PEX3: variants seen among roughly 807,000 people sequenced by gnomAD.
PEX3 encodes the protein peroxin-3.
Under a neutral mutation model 55.8 loss-of-function variants are expected in PEX3, and 30 were observed. The ratio of observed to expected loss-of-function variants is 0.54; its 90% CI spans 0.40 to 0.73. The LOEUF (loss-of-function observed/expected upper bound fraction) is 0.73, where lower values mean the gene tolerates loss of function less well. Ranked by LOEUF, PEX3 falls within the 30% of genes least tolerant of loss-of-function variation. The pLI is 0.00. For synonymous variants in PEX3, 135 were observed against 148.4 expected, an observed-to-expected ratio of 0.91 and a Z score of 0.66; for missense variants, 351 against 432.8, an observed-to-expected ratio of 0.81 and a Z score of 1.68.
In PEX3 at chr6:143,486,709, A is replaced by G. The variant is rs998417175; in HGVS notation, c.1038+1461A>G. ...AAGCCTTTGCCTTGATTAGAATGCT[A>G]ATTTACATAAAATTAGTCCTTTCGA... On this transcript the variant is annotated intron_variant, in intron 11 of 11. Transcript: ENST00000367591. This position sits in a 1 kb window ranked among gnomAD's most constrained non-coding sequence, Gnocchi z 5.0. 4.6e-5 allele frequency among the ~76,000 whole-genome samples: 7 copies of G among 152,122 alleles called. No individual in the cohort carries two copies. The highest frequency in any genetic ancestry group is 1.3e-4 in the Admixed American group (2 of 15,252).
Position 143,454,750 on chromosome 6 carries a change from T to A in PEX3, c.73+3635T>A, listed in dbSNP as rs958495608. On this transcript the variant is annotated intron_variant, in intron 1 of 11. Coordinates refer to ENST00000367591, the MANE Select transcript of PEX3 (RefSeq NM_003630.3). This position sits in a 1 kb window ranked among gnomAD's most constrained non-coding sequence, Gnocchi z 4.3. ...AAGCTCCATAAGGAAGAATTTCTGC[T>A]TAAGTTGTAGAGCTAGCAAAGGAGA... is the stretch of plus-strand genomic sequence containing the variant. Among the ~76,000 whole-genome samples, 1 of 152,194 alleles carries A rather than the reference T, an allele frequency of 6.6e-6. No homozygotes were observed. The highest frequency in any genetic ancestry group is 1.9e-4 in the East Asian group (1 of 5,200).
chr6:143,479,284 C>T lies in PEX3; in HGVS notation c.941+86C>T. The T allele has an allele frequency of 9.5e-7, 1 of 1,057,980 alleles. No homozygotes were observed. The highest frequency in any genetic ancestry group is 1.3e-5 in the South Asian group (1 of 76,448). The allele number at this position is 1,057,980 out of a possible 1,614,324, so 65.5% of individuals were successfully genotyped here. A position where few individuals can be genotyped will look rare whatever the true frequency, so the allele number is the denominator to read the frequency against. ...GTCTTTTTGTTCCAGATAACAACAA[C>T]AAACCTATTAAATTTGAGTGCCTCA... On this transcript the variant is annotated intron_variant, in intron 10 of 11. Coordinates refer to ENST00000367591, the MANE Select transcript of PEX3 (RefSeq NM_003630.3). This position sits in a 1 kb window ranked among gnomAD's most constrained non-coding sequence, Gnocchi z 4.6.
chr6:143,452,200 G>A (rs998835469), intron 1 of PEX3, among the ~76,000 whole-genome samples: 4 of 152,144 alleles, frequency 2.6e-5, no homozygotes, highest in African/African-American at 7.2e-5. Flanking sequence ...TTGAAACAGA[G>A]TTCTTGTTGC....
At position 143,472,847 on chromosome 6, in the gene PEX3, G is replaced by A. The variant is rs576565098; in HGVS notation, c.747+519G>A. On this transcript the variant is annotated intron_variant, in intron 8 of 11. Transcript: ENST00000367591. ...AGTTAATGATGAAAGTACAAAAATG[G>A]ACTGAGGAGGTTATAGTCATCCACT... Among the ~76,000 whole-genome samples, 19 of 152,310 alleles carry A rather than the reference G, an allele frequency of 1.2e-4. No individual in the cohort carries two copies. The East Asian group carries it at 3.7e-3, about 29-fold the overall frequency.
In PEX3 at chr6:143,453,902, C is replaced by T. The variant is rs1273943120; in HGVS notation, c.73+2787C>T. Among the ~76,000 whole-genome samples the T allele has an allele frequency of 6.6e-6, 1 of 152,126 alleles. No homozygotes were observed. Among genetic ancestry groups the T allele is most frequent in the Non-Finnish European group, 1.5e-5 (1 of 68,020 alleles). On this transcript the variant is annotated intron_variant, in intron 1 of 11. Coordinates refer to ENST00000367591, the MANE Select transcript of PEX3 (RefSeq NM_003630.3). The surrounding 1 kb of genome is among the most constrained non-coding windows in gnomAD (Gnocchi z 4.6). ...ATAATTTGACCAGTTTGTGAAAAGA[C>T]TAGAGAATTGACTCCCAAACTTTTT...
rs183532002 is a variant in PEX3, at chr6:143,476,669, C to T, written c.818+1813C>T. Among the ~76,000 whole-genome samples the T allele has an allele frequency of 1.9e-3, 284 of 152,238 alleles. 2 individuals are homozygous for T. Among genetic ancestry groups the T allele is most frequent in the Admixed American group, 4.1e-3 (63 of 15,300 alleles). Reference sequence around the variant, plus strand: ...TATGAAAGAGGAGGCAAGGATGACTCCTAGGTATTGGGGCTGAGCATTTGA... The same window carrying T: ...TATGAAAGAGGAGGCAAGGATGACTTCTAGGTATTGGGGCTGAGCATTTGA... On this transcript the variant is annotated intron_variant, in intron 9 of 11. Transcript: ENST00000367591. The surrounding 1 kb of genome is among the most constrained non-coding windows in gnomAD (Gnocchi z 5.4).
chr6:143,475,269 A>C lies in PEX3; in HGVS notation c.818+413A>C, dbSNP rs567073618. On this transcript the variant is annotated intron_variant, in intron 9 of 11. Transcript: ENST00000367591. The surrounding 1 kb of genome is among the most constrained non-coding windows in gnomAD (Gnocchi z 4.4). The stretch of plus-strand genomic sequence containing the variant: ...CTGCCTTTCTTGAAATTCTTTGCTC[A>C]CATGACTTTCATGACAGTATAATCT... Among the ~76,000 whole-genome samples, 169 of 152,318 alleles carry C rather than the reference A, an allele frequency of 1.1e-3. No individual in the cohort carries two copies. Among genetic ancestry groups the C allele is most frequent in the African/African-American group, 3.9e-3 (163 of 41,562 alleles).
rs1167003088 is a variant in PEX3 at position 143,471,451 on chromosome 6, TA to T, written c.523+4del. 6.3e-7 allele frequency: 1 copy of T among 1,593,930 alleles called. No individual in the cohort carries two copies. Among genetic ancestry groups the T allele is most frequent in the Non-Finnish European group, 8.6e-7 (1 of 1,162,236 alleles). On this transcript the variant is annotated splice_donor_region_variant and intron_variant, in intron 6 of 11. Transcript: ENST00000367591. This position sits in a 1 kb window ranked among gnomAD's most constrained non-coding sequence, Gnocchi z 5.4. Reference sequence around the variant, plus strand: ...GTATTCAGCACCTACTTGGAGATGGTAAGATTCTTATTTGTGACTTTTATAC... The same window carrying T: ...GTATTCAGCACCTACTTGGAGATGGTAGATTCTTATTTGTGACTTTTATAC...
intron 1 of PEX3, among the ~76,000 whole-genome samples, chr6:143,455,359 A>ATTTTTTTTTTTTT (rs56788350): frequency 2.6e-4 from 19 of 71,986 alleles, no homozygotes; most frequent in East Asian, 1.3e-3. Context: ...CGCCCGGCTA[A>ATTTTTTTTTTTTT]TTTTTTTTTT....
At chr6:143,470,636 C>A (rs2128746626) in intron 4 of PEX3, among the ~76,000 whole-genome samples, 1 of 152,318 alleles carries the variant, frequency 6.6e-6, no homozygotes. Flanking sequence ...TTGAAAATAG[C>A]TCCATTGACA....
rs915057271 is a variant in PEX3, at chr6:143,488,103, A to G, written c.1039-1040A>G. Among the ~76,000 whole-genome samples the G allele has an allele frequency of 1.3e-5, 2 of 152,138 alleles. No individual in the cohort carries two copies. Among genetic ancestry groups the G allele is most frequent in the African/African-American group, 4.8e-5 (2 of 41,452 alleles). On this transcript the variant is annotated intron_variant, in intron 11 of 11. Transcript: ENST00000367591. The surrounding 1 kb of genome is among the most constrained non-coding windows in gnomAD (Gnocchi z 4.9). The stretch of plus-strand genomic sequence containing the variant: ...ATTGAACACCTAGACTGAATACTTG[A>G]AACTAAATAACATCAAATTCTCTGA...
rs1003767982 is a variant in PEX3, at chr6:143,487,622, C to T, written c.1039-1521C>T. ...AAAGATTGTTCTATAATATGGCTGA[C>T]GTCTACTATTAATAATTTGTTGTGC... On this transcript the variant is annotated intron_variant, in intron 11 of 11. Coordinates refer to ENST00000367591, the MANE Select transcript of PEX3 (RefSeq NM_003630.3). This position sits in a 1 kb window ranked among gnomAD's most constrained non-coding sequence, Gnocchi z 5.3. 3.3e-5 allele frequency among the ~76,000 whole-genome samples: 5 copies of T among 152,212 alleles called. No individual in the cohort carries two copies. Among genetic ancestry groups the T allele is most frequent in the African/African-American group, 1.2e-4 (5 of 41,552 alleles).
rs1173297971 is a variant in PEX3, at chr6:143,479,212, T to C, written c.941+14T>C. 1 of 1,589,804 alleles carries C rather than the reference T, an allele frequency of 6.3e-7. No homozygotes were observed. Among genetic ancestry groups the C allele is most frequent in the South Asian group, 1.1e-5 (1 of 90,512 alleles). ...CTCTATGAATAGGTAAGATGACATA[T>C]AAAAATGTTATACTAATGAATGCTC... On this transcript the variant is annotated intron_variant, in intron 10 of 11. Transcript: ENST00000367591. The surrounding 1 kb of genome is among the most constrained non-coding windows in gnomAD (Gnocchi z 4.6).
rs1779885990 is a variant in PEX3, at chr6:143,459,175, A to C, written c.164A>C (p.Gln55Pro). The stretch of plus-strand genomic sequence containing the variant: ...GAATACATTGCCCAAGCACGACGAC[A>C]ATATCATTTTGAAAGTAACCAGAGG... Reference protein sequence around the residue: ...AAEYIAQARRQYHFESNQRTC... With the variant: ...AAEYIAQARRPYHFESNQRTC... Residue 55 changes from glutamine to proline, a missense_variant, in exon 2 of 12, where the codon CAA becomes CCA. Gln to Pro is a moderately conservative substitution (Grantham distance 76). Transcript: ENST00000367591. This position sits in a 1 kb window ranked among gnomAD's most constrained non-coding sequence, Gnocchi z 4.2. 1 of 1,612,692 alleles carries C rather than the reference A, an allele frequency of 6.2e-7. No homozygotes were observed. The highest frequency in any genetic ancestry group is 8.5e-7 in the Non-Finnish European group (1 of 1,178,848).
rs1159646374 is a variant in PEX3, at chr6:143,486,296, A to G, written c.1038+1048A>G. ...TCATAACTTGGGGCATTTAAACCTT[A>G]CCTTTACCTTTGTCCTCTTCTGTAG... On this transcript the variant is annotated intron_variant, in intron 11 of 11. Coordinates refer to ENST00000367591, the MANE Select transcript of PEX3 (RefSeq NM_003630.3). The surrounding 1 kb of genome is among the most constrained non-coding windows in gnomAD (Gnocchi z 5.0). Among the ~76,000 whole-genome samples the G allele has an allele frequency of 6.6e-6, 1 of 152,048 alleles. No individual in the cohort carries two copies. Among genetic ancestry groups the G allele is most frequent in the Non-Finnish European group, 1.5e-5 (1 of 67,978 alleles).
intron 8 of PEX3, among the ~76,000 whole-genome samples, chr6:143,474,158 TA>T (rs765032245): frequency 5.4e-5 from 8 of 149,288 alleles, no homozygotes; most frequent in Admixed American, 2.7e-4. Context: ...AAAATTAAAT[TA>T]AAAAAAAAGG....
Position 143,463,079 on chromosome 6 carries a change from T to A in PEX3, c.287+82T>A, listed in dbSNP as rs1779947037. On this transcript the variant is annotated intron_variant, in intron 3 of 11. Coordinates refer to ENST00000367591, the MANE Select transcript of PEX3 (RefSeq NM_003630.3). The surrounding 1 kb of genome is among the most constrained non-coding windows in gnomAD (Gnocchi z 5.7). ...GAACTGATAGACTTTTCAAAAATCT[T>A]TGTTATTTTTCTATCTAATGAAAGT... 1.1e-5 allele frequency: 11 copies of A among 1,007,302 alleles called. No homozygotes were observed. The South Asian group carries it at 1.5e-4, about 14-fold the overall frequency. The allele number at this position is 1,007,302 out of a possible 1,614,324, so 62.4% of individuals were successfully genotyped here. A position where few individuals can be genotyped will look rare whatever the true frequency, so the allele number is the denominator to read the frequency against.
rs989127265 is a variant in PEX3 at position 143,468,894 on chromosome 6, A to G, written c.331+729A>G. On this transcript the variant is annotated intron_variant, in intron 4 of 11. Transcript: ENST00000367591. Reference sequence around the variant, plus strand: ...TGTGTTCAAGTGTTCTCATTGTTCAATTCCCACCTATGAGTGAGAACATGT... The same window carrying G: ...TGTGTTCAAGTGTTCTCATTGTTCAGTTCCCACCTATGAGTGAGAACATGT... 1.4e-3 allele frequency among the ~76,000 whole-genome samples: 183 copies of G among 134,024 alleles called. 1 individual carries two copies. The highest frequency in any genetic ancestry group is 4.7e-3 in the African/African-American group (165 of 35,202). 87.9% of individuals were successfully genotyped at this position (134,024 alleles called of 152,430 possible).
chr6:143,450,805 A>G lies in PEX3; in HGVS notation c.-238A>G, dbSNP rs1306730916. 29 of 876,472 alleles carry G rather than the reference A, an allele frequency of 3.3e-5. No homozygotes were observed. In the South Asian group the frequency reaches 3.5e-4, roughly 11 times the overall value. The allele number at this position is 876,472 out of a possible 1,614,324, so 54.3% of individuals were successfully genotyped here. Reference sequence around the variant, plus strand: ...TGAACGGACCTGGGCTTGTCGGACCAGTGAGCGGCGGCGGCTGCGCGGCGG... The same window carrying G: ...TGAACGGACCTGGGCTTGTCGGACCGGTGAGCGGCGGCGGCTGCGCGGCGG... On this transcript the variant is annotated 5_prime_UTR_variant, in exon 1 of 12. Coordinates refer to ENST00000367591, the MANE Select transcript of PEX3 (RefSeq NM_003630.3).
Sources: gnomAD v4.1 joint callset for allele counts (sites outside exome capture counted in the v4.1 genomes callset) on GRCh38, gnomAD v4.1.1 for gene constraint, Gnocchi (gnomAD v3.1) non-coding constraint, MANE v1.5 for transcripts, NCBI Gene and HGNC (gene_info 2026-07-23, HGNC 2026-07-21) for gene names.